Variants in TFEC observed in about 807,000 individuals in gnomAD.
TFEC encodes transcription factor EC.
TFEC carries 31 observed loss-of-function variants against 41.6 expected under a neutral mutation model. That is an observed-to-expected ratio of 0.74 (90% CI 0.56 to 1.01). TFEC has a LOEUF of 1.01. Among genes scored for constraint, TFEC ranks in the 50% least tolerant of loss-of-function variants. The pLI is 0.00. For synonymous variants in TFEC, 143 were observed against 140.6 expected (o/e 1.02, Z -0.12); for missense variants, 402 against 404.1 (o/e 0.99, Z 0.04).
chr7:116,021,662 A>G (rs1453860024), intron 1 of TFEC, among the ~76,000 whole-genome samples: 1 of 152,168 alleles, frequency 6.6e-6, no homozygotes, highest in African/African-American at 2.4e-5. Flanking sequence ...TTCCAGTTAA[A>G]CTGTCTCCAG....
chr7:116,067,903 C>T (rs953120509), intron 3 of TFEC, among the ~76,000 whole-genome samples: 1 of 151,810 alleles, frequency 6.6e-6, no homozygotes, highest in Non-Finnish European at 1.5e-5. Flanking sequence ...TCATTTCTAA[C>T]CCAAAGTGCT....
intron 1 of TFEC, among the ~76,000 whole-genome samples, chr7:116,143,431 C>A (rs1309184081): frequency 2.0e-5 from 3 of 152,032 alleles, no homozygotes; most frequent in African/African-American, 7.2e-5. Flanking sequence ...ATAAGCCAAG[C>A]AGAGGATATG....
chr7:116,154,671 C>G, intron 1 of TFEC, among the ~76,000 whole-genome samples: 1 of 152,094 alleles, frequency 6.6e-6, no homozygotes, highest in East Asian at 1.9e-4. Context: ...TTAATATTTG[C>G]ATCAGCCTAA....
At chr7:115,972,562 G>A (rs1219155724) in intron 3 of TFEC, among the ~76,000 whole-genome samples, 1 of 152,032 alleles carries the variant, frequency 6.6e-6, no homozygotes, top group Admixed American at 6.6e-5. Flanking sequence ...CTCATATTGT[G>A]TGAATATTAT....
chr7:116,110,942 G>GAAAAAAAAA, intron 2 of TFEC: 1 of 1,415,234 alleles, frequency 7.1e-7, no homozygotes, highest in Middle Eastern at 1.8e-4. Flanking sequence ...AGTGGATTTG[G>GAAAAAAAAA]AAAAAAAGGA....
chr7:116,040,750 C>G (rs1008042812), intron 3 of TFEC, among the ~76,000 whole-genome samples: 5 of 152,098 alleles, frequency 3.3e-5, no homozygotes, highest in African/African-American at 1.2e-4. Context: ...AAGCATTTTC[C>G]CAGCCCCATC....
intron 3 of TFEC, among the ~76,000 whole-genome samples, chr7:116,094,212 G>A (rs1022151286): frequency 4.6e-5 from 7 of 152,104 alleles, no homozygotes; most frequent in Admixed American, 3.3e-4. Context: ...CCAGCACCTG[G>A]TAACCTGAAC....
chr7:116,052,611 T>C (rs1796336875), intron 3 of TFEC, among the ~76,000 whole-genome samples: 4 of 151,840 alleles, frequency 2.6e-5, no homozygotes. Context: ...GTATTTTTAG[T>C]AGAAACAGGG....
chr7:116,087,246 C>T (rs915464069), intron 3 of TFEC, among the ~76,000 whole-genome samples: 1 of 151,944 alleles, frequency 6.6e-6, no homozygotes, highest in African/African-American at 2.4e-5. Context: ...ATAAAAAACT[C>T]TTAAATATTT....
intron 1 of TFEC, among the ~76,000 whole-genome samples, chr7:116,151,788 G>A (rs1046668749): frequency 2.3e-4 from 35 of 151,982 alleles, no homozygotes; most frequent in Non-Finnish European, 4.7e-4. Context: ...AATATGAAGT[G>A]ACAGATTTAA....
chr7:115,956,606 G>C, intron 4 of TFEC, 73 bp downstream of exon 4: 1 of 935,344 alleles, frequency 1.1e-6, no homozygotes, highest in Non-Finnish European at 1.5e-6. Context: ...ATCCTAGTTA[G>C]CACAATATAT....
At chr7:116,008,855 T>C (rs1345202452) in intron 1 of TFEC, among the ~76,000 whole-genome samples, 8 of 152,226 alleles carry the variant, frequency 5.3e-5, no homozygotes, top group Non-Finnish European at 1.2e-4. Context: ...TTCAGCTGCG[T>C]ATTATATAAT....
chr7:116,003,121 A>G (rs1794660380), intron 1 of TFEC, among the ~76,000 whole-genome samples: 1 of 152,122 alleles, frequency 6.6e-6, no homozygotes, highest in Admixed American at 6.5e-5. Flanking sequence ...TGCATCAACT[A>G]AAAGACAGAT....
intron 6 of TFEC, among the ~76,000 whole-genome samples, chr7:115,943,860 G>A (rs1393702996): frequency 6.6e-6 from 1 of 151,168 alleles, no homozygotes; most frequent in African/African-American, 2.4e-5. Context: ...TAATACAAAT[G>A]TATAAATTGG....
intron 3 of TFEC, among the ~76,000 whole-genome samples, chr7:116,064,836 TGTTGGCCACA>T (rs1796655919): frequency 6.6e-6 from 1 of 152,198 alleles, no homozygotes; most frequent in African/African-American, 2.4e-5. Flanking sequence ...TCTCCAGAAC[TGTTGGCCACA>T]GGTACCCCTG....
At chr7:116,009,181 T>A (rs1233756952) in intron 1 of TFEC, among the ~76,000 whole-genome samples, 1 of 152,186 alleles carries the variant, frequency 6.6e-6, no homozygotes, top group Admixed American at 6.6e-5. Context: ...TGTTATACCT[T>A]TAAAATAAAT....
chr7:115,943,513 C>T (rs1245545110), intron 6 of TFEC, among the ~76,000 whole-genome samples: 1 of 151,818 alleles, frequency 6.6e-6, no homozygotes, highest in Non-Finnish European at 1.5e-5. Context: ...AGAGAACACA[C>T]AATGAGCCTC....
chr7:116,093,659 A>G (rs1439575069), intron 3 of TFEC, among the ~76,000 whole-genome samples: 1 of 152,158 alleles, frequency 6.6e-6, no homozygotes. Context: ...TATGCCAAAA[A>G]TAATCTCTAA....
At chr7:116,007,105 T>C (rs1794825453) in intron 1 of TFEC, among the ~76,000 whole-genome samples, 1 of 152,320 alleles carries the variant, frequency 6.6e-6, no homozygotes, top group South Asian at 2.1e-4. Flanking sequence ...ATATACAAAA[T>C]GTATGTATCT....
Sources: gnomAD v4.1 joint callset for allele counts (sites outside exome capture counted in the v4.1 genomes callset) on GRCh38, gnomAD v4.1.1 for gene constraint, MANE v1.5 for transcripts, NCBI Gene and HGNC (gene_info 2026-07-23, HGNC 2026-07-21) for gene names.